Variants in CATSPERT observed in about 807,000 individuals in gnomAD.
CATSPERT encodes catsper channel auxiliary subunit tau.
At chr2:201,499,517 T>C in the CATSPERT span, among the ~76,000 whole-genome samples, 141 of 152,222 alleles carry the variant, frequency 9.3e-4, 1 homozygote, top group Non-Finnish European at 1.6e-3. Flanking sequence ...CAGCATTAAG[T>C]CCTGTGGCTG....
At chr2:201,565,804 C>CT in the CATSPERT span, 1 of 1,611,774 alleles carries the variant, frequency 6.2e-7, no homozygotes. Flanking sequence ...AGCTGGAGTC[C>CT]CAACAGTAAC....
chr2:201,487,617 ATCC>A, the CATSPERT span: 1 of 1,610,140 alleles, frequency 6.2e-7, no homozygotes, highest in Admixed American at 1.7e-5. Context: ...ATTTTTCAAT[ATCC>A]TCTTTTAATT....
At chr2:201,584,383 G>C in the CATSPERT span, among the ~76,000 whole-genome samples, 1 of 152,100 alleles carries the variant, frequency 6.6e-6, no homozygotes, top group Non-Finnish European at 1.5e-5. Context: ...ATTTTTTATA[G>C]GTTAAAAGAC....
At chr2:201,528,042 G>A in the CATSPERT span, among the ~76,000 whole-genome samples, 1 of 146,516 alleles carries the variant, frequency 6.8e-6, no homozygotes, top group African/African-American at 2.5e-5. Flanking sequence ...GAATCTATAA[G>A]GAACTTGAAT....
the CATSPERT span, chr2:201,603,314 T>A: frequency 6.3e-7 from 1 of 1,578,078 alleles, no homozygotes; most frequent in Non-Finnish European, 8.6e-7. Context: ...AGTGAATGCA[T>A]TTAAAAAGTT....
chr2:201,490,009 A>G, the CATSPERT span, among the ~76,000 whole-genome samples: 2 of 152,068 alleles, frequency 1.3e-5, no homozygotes, highest in South Asian at 4.1e-4. Context: ...GGCGTGCACC[A>G]CGACACCCAG....
At chr2:201,518,531 T>A in the CATSPERT span, among the ~76,000 whole-genome samples, 6 of 152,196 alleles carry the variant, frequency 3.9e-5, no homozygotes, top group East Asian at 1.2e-3. Context: ...TGAGTAGGTA[T>A]CCTTAAGGGA....
chr2:201,546,438 A>G, the CATSPERT span, among the ~76,000 whole-genome samples: 1 of 152,204 alleles, frequency 6.6e-6, no homozygotes, highest in Non-Finnish European at 1.5e-5. Flanking sequence ...CAACTTAACA[A>G]TAAAAAGAAA....
chr2:201,608,721 T>C, the CATSPERT span, among the ~76,000 whole-genome samples: 1 of 150,582 alleles, frequency 6.6e-6, no homozygotes, highest in African/African-American at 2.4e-5. Context: ...GGAGGCTGAG[T>C]TGGGAGGATC....
the CATSPERT span, among the ~76,000 whole-genome samples, chr2:201,573,661 T>C: frequency 6.6e-6 from 1 of 152,186 alleles, no homozygotes; most frequent in Non-Finnish European, 1.5e-5. Flanking sequence ...GCAAGTTTTA[T>C]TTTATTTTTT....
the CATSPERT span, among the ~76,000 whole-genome samples, chr2:201,539,182 A>C: frequency 1.3e-5 from 2 of 152,202 alleles, no homozygotes; most frequent in African/African-American, 4.8e-5. Context: ...GTATATACCC[A>C]GTAATGGGAT....
At chr2:201,505,099 T>G in the CATSPERT span, among the ~76,000 whole-genome samples, 452 of 152,202 alleles carry the variant, frequency 3.0e-3, 2 homozygotes, top group African/African-American at 9.2e-3. Flanking sequence ...TTCACTTTTT[T>G]TTTTGTTTTG....
the CATSPERT span, among the ~76,000 whole-genome samples, chr2:201,524,500 A>T: frequency 1.2e-4 from 19 of 152,282 alleles, no homozygotes; most frequent in African/African-American, 4.3e-4. Flanking sequence ...AAAAAGACTC[A>T]CTAGTCACCA....
the CATSPERT span, among the ~76,000 whole-genome samples, chr2:201,599,932 G>C: frequency 6.6e-6 from 1 of 152,128 alleles, no homozygotes; most frequent in Non-Finnish European, 1.5e-5. Flanking sequence ...GTTGCCTCCA[G>C]CAAAACTATT....
the CATSPERT span, among the ~76,000 whole-genome samples, chr2:201,560,294 C>T: frequency 3.1e-3 from 478 of 151,838 alleles, 3 homozygotes; most frequent in African/African-American, 0.011. Context: ...CTTGGTGGCT[C>T]ACATCTGTAA....
the CATSPERT span, chr2:201,619,169 G>A: frequency 6.2e-7 from 1 of 1,603,586 alleles, no homozygotes; most frequent in Non-Finnish European, 8.5e-7. Flanking sequence ...CCAACCGACG[G>A]CCCGCTACTG....
chr2:201,566,305 C>G, the CATSPERT span, among the ~76,000 whole-genome samples: 8,004 of 150,686 alleles, frequency 0.053, 269 homozygotes, highest in African/African-American at 0.076. Flanking sequence ...GTGCTGCACC[C>G]ATTAACTCGT....
the CATSPERT span, chr2:201,534,590 AG>A: frequency 9.2e-6 from 9 of 983,568 alleles, no homozygotes; most frequent in African/African-American, 1.6e-4. Context: ...TACTCATAGC[AG>A]GGAAAACCAA....
the CATSPERT span, chr2:201,535,579 G>T: frequency 9.7e-7 from 1 of 1,027,864 alleles, no homozygotes; most frequent in Non-Finnish European, 1.2e-6. Context: ...TTTTGTTATT[G>T]TCGTTACACT....
Sources: gnomAD v4.1 joint callset for allele counts (sites outside exome capture counted in the v4.1 genomes callset) on GRCh38, gnomAD v4.1.1 for gene constraint, MANE v1.5 for transcripts, NCBI Gene and HGNC (gene_info 2026-07-23, HGNC 2026-07-21) for gene names.